The following ATP13A4 variants were observed in gnomAD, a reference collection of about 807,000 sequenced individuals.
The protein encoded by ATP13A4 is probable cation-transporting ATPase 13A4.
A neutral mutation model predicts 142.5 loss-of-function variants in ATP13A4; 114 were observed. The ratio of observed to expected loss-of-function variants is 0.80; its 90% CI spans 0.69 to 0.93. The LOEUF (loss-of-function observed/expected upper bound fraction) is 0.93, where lower values mean the gene tolerates loss of function less well. Among genes scored for constraint, ATP13A4 ranks in the 40% least tolerant of loss-of-function variants. The pLI is 0.00. For synonymous variants in ATP13A4, 488 were observed against 514.8 expected (o/e 0.95, Z 0.70); for missense variants, 1,392 against 1,454.0 (o/e 0.96, Z 0.69).
At position 193,414,719 on chromosome 3, in the gene ATP13A4, C is replaced by T. The variant is rs745786116; in HGVS notation, c.2874G>A (p.Val958=). Residue 958 remains valine, a synonymous_variant, in exon 26 of 30, where the codon GTG becomes GTA. Coordinates refer to ENST00000342695, the MANE Select transcript of ATP13A4 (RefSeq NM_032279.4). The part of the protein sequence containing the change: ...MNLNGAYPKL[V]PFRPAGRLIS... Reference sequence around the variant, plus strand: ...TCAGCCGTCCTGCAGGTCTGAAAGGCACCAGCTTAGGGTAGGCACCATTCA... The same window carrying T: ...TCAGCCGTCCTGCAGGTCTGAAAGGTACCAGCTTAGGGTAGGCACCATTCA... 6 of 1,613,972 alleles carry T rather than the reference C, an allele frequency of 3.7e-6. No homozygotes were observed. The East Asian group carries it at 1.1e-4, about 30-fold the overall frequency.
intron 2 of ATP13A4, among the ~76,000 whole-genome samples, chr3:193,573,303 A>ATACT (rs1724323852): frequency 1.0e-5 from 1 of 99,282 alleles, no homozygotes; most frequent in African/African-American, 3.7e-5. Flanking sequence ...ATATATATAT[A>ATACT]TATACATATA....
intron 1 of ATP13A4, among the ~76,000 whole-genome samples, chr3:193,527,241 T>G (rs1006587183): frequency 6.6e-6 from 1 of 152,186 alleles, no homozygotes. Context: ...TGGGAGGTGA[T>G]TGGATCATGG....
chr3:193,511,325 G>A (rs962741183), intron 2 of ATP13A4, among the ~76,000 whole-genome samples: 6 of 152,184 alleles, frequency 3.9e-5, no homozygotes, highest in African/African-American at 1.4e-4. Context: ...GCTGTTTTGA[G>A]TCTTTCCAGT....
chr3:193,462,873 G>A (rs376637995), intron 12 of ATP13A4, 50 bp from the exon 13 acceptor site: 38 of 1,569,688 alleles, frequency 2.4e-5, no homozygotes, highest in Admixed American at 3.3e-5. Context: ...GGCAAGGAGC[G>A]GTGGCTCATG....
intron 2 of ATP13A4, among the ~76,000 whole-genome samples, chr3:193,507,943 C>T (rs1182093385): frequency 6.6e-6 from 1 of 152,158 alleles, no homozygotes; most frequent in Non-Finnish European, 1.5e-5. Context: ...TCAAAATTCT[C>T]ATGTTGAACC....
At chr3:193,450,569 A>G (rs1717217075) in intron 17 of ATP13A4, among the ~76,000 whole-genome samples, 1 of 152,158 alleles carries the variant, frequency 6.6e-6, no homozygotes, top group Admixed American at 6.5e-5. Flanking sequence ...GTGATTGGAG[A>G]AGGCTTGCTG....
In ATP13A4 at chr3:193,566,756, C is replaced by A. The variant is rs143996861; in HGVS notation, n.291+14951G>T. Among the ~76,000 whole-genome samples, 53 of 152,178 alleles carry A rather than the reference C, an allele frequency of 3.5e-4. No individual in the cohort carries two copies. In the East Asian group the frequency reaches 5.2e-3, roughly 15 times the overall value. On this transcript the variant is annotated intron_variant and non_coding_transcript_variant, in intron 2 of 3. Coordinates refer to the ATP13A4 transcript ENST00000489140. ...TTTTGGTCAAGGCCCTGTCTCTGAC[C>A]CCAAATGTCACCCACAAAGCCTAAT...
chr3:193,498,917 C>CA (rs1720390217), intron 3 of ATP13A4, among the ~76,000 whole-genome samples: 1 of 152,106 alleles, frequency 6.6e-6, no homozygotes, highest in African/African-American at 2.4e-5. Context: ...ATAGCTGGCA[C>CA]AAAATAAGTG....
intron 17 of ATP13A4, among the ~76,000 whole-genome samples, chr3:193,451,518 A>T (rs555739102): frequency 1.3e-5 from 2 of 152,360 alleles, no homozygotes; most frequent in East Asian, 3.9e-4. Context: ...AACCAAAAAA[A>T]TTAAAAGGAG....
At chr3:193,514,677 C>A in intron 2 of ATP13A4, 21 bp downstream of exon 2, 1 of 1,614,094 alleles carries the variant, frequency 6.2e-7, no homozygotes, top group Non-Finnish European at 8.5e-7. Flanking sequence ...GCACCAGCGA[C>A]ATAACCAGGT....
At chr3:193,533,264 G>A (rs1172411716) in intron 1 of ATP13A4, among the ~76,000 whole-genome samples, 1 of 151,914 alleles carries the variant, frequency 6.6e-6, no homozygotes, top group East Asian at 1.9e-4. Context: ...TCCACCTCTG[G>A]AAACAAGTAG....
intron 1 of ATP13A4, among the ~76,000 whole-genome samples, chr3:193,587,640 C>T (rs182325269): frequency 3.3e-5 from 5 of 152,246 alleles, no homozygotes; most frequent in Non-Finnish European, 7.4e-5. Flanking sequence ...CTCTGAGGCC[C>T]TCCTTAATTC....
chr3:193,493,718 A>C (rs925194556), intron 3 of ATP13A4, among the ~76,000 whole-genome samples: 59 of 152,108 alleles, frequency 3.9e-4, no homozygotes, highest in African/African-American at 1.4e-3. Flanking sequence ...AGAATGAAGA[A>C]TGAAGCTAGA....
At chr3:193,546,022 TG>T (rs1723204915) in intron 1 of ATP13A4, among the ~76,000 whole-genome samples, 2 of 137,996 alleles carry the variant, frequency 1.4e-5, no homozygotes, top group Non-Finnish European at 3.1e-5. Context: ...TGTGTGTGTG[TG>T]TTTTGGCAAG....
intron 29 of ATP13A4, among the ~76,000 whole-genome samples, chr3:193,405,491 C>A (rs926237980): frequency 6.6e-6 from 1 of 152,190 alleles, no homozygotes; most frequent in Non-Finnish European, 1.5e-5. Flanking sequence ...AATAGGCTTG[C>A]TGTGGCCTCT....
chr3:193,529,399 T>C (rs1291358027), intron 1 of ATP13A4, among the ~76,000 whole-genome samples: 1 of 151,950 alleles, frequency 6.6e-6, no homozygotes, highest in African/African-American at 2.4e-5. Flanking sequence ...GCATACCATA[T>C]AATATTAATA....
chr3:193,587,049 T>A (rs1409702388), intron 1 of ATP13A4, among the ~76,000 whole-genome samples: 1 of 152,212 alleles, frequency 6.6e-6, no homozygotes, highest in Non-Finnish European at 1.5e-5. Flanking sequence ...TTGCACATCT[T>A]TGGTAAATTT....
At chr3:193,576,758 G>C (rs1333188387) in intron 2 of ATP13A4, among the ~76,000 whole-genome samples, 1 of 152,130 alleles carries the variant, frequency 6.6e-6, no homozygotes, top group African/African-American at 2.4e-5. Context: ...TCTCTGGAAG[G>C]GTTGAAGAAC....
chr3:193,549,165 G>A (rs964744998), intron 1 of ATP13A4, among the ~76,000 whole-genome samples: 2 of 152,144 alleles, frequency 1.3e-5, no homozygotes, highest in Non-Finnish European at 2.9e-5. Flanking sequence ...CTTCTGAAGG[G>A]TAATTTGGCA....
Sources: gnomAD v4.1 joint callset for allele counts (sites outside exome capture counted in the v4.1 genomes callset) on GRCh38, gnomAD v4.1.1 for gene constraint, MANE v1.5 for transcripts, NCBI Gene and HGNC (gene_info 2026-07-23, HGNC 2026-07-21) for gene names.